Variants in OTUD7A observed in about 807,000 individuals in gnomAD.
OTUD7A encodes the protein OTU domain-containing protein 7A.
OTUD7A carries 12 observed loss-of-function variants against 65.7 expected under a neutral mutation model. The observed-to-expected ratio is 0.18, with a 90% CI of 0.12 to 0.30. The LOEUF is 0.30. OTUD7A is among the 10% of genes least tolerant of loss of function. The pLI is 1.00. For synonymous variants in OTUD7A, 641 were observed against 586.3 expected, an observed-to-expected ratio of 1.09 and a Z score of -1.35; for missense variants, 1,148 against 1,304.8, an observed-to-expected ratio of 0.88 and a Z score of 1.85.
chr15:31,504,119 G>A (rs975901920), intron 8 of OTUD7A, among the ~76,000 whole-genome samples: 2 of 152,240 alleles, frequency 1.3e-5, no homozygotes, highest in African/African-American at 4.8e-5. Context: ...CAGCCCACCA[G>A]AGCCTGTGGT....
At chr15:31,763,083 GA>G (rs1895011458) in intron 1 of OTUD7A, among the ~76,000 whole-genome samples, 1 of 152,174 alleles carries the variant, frequency 6.6e-6, no homozygotes, top group East Asian at 1.9e-4. Context: ...AGGAGTTCAA[GA>G]CCAGGTTGGC....
chr15:31,530,735 C>T lies in OTUD7A; in HGVS notation c.624G>A (p.Gly208=). 1 of 1,614,196 alleles carries T rather than the reference C, an allele frequency of 6.2e-7. No individual in the cohort carries two copies. Among genetic ancestry groups the T allele is most frequent in the South Asian group, 1.1e-5 (1 of 91,084 alleles). Residue 208 remains glycine (G), a synonymous_variant, in exon 6 of 13, where the codon GGG becomes GGA. Transcript: ENST00000307050. ...GTGAAGCAGCATGTAAAAGGCAGTT[C>T]CCATCCCCTGTTGTGGCCAGAGGAA... The part of the protein sequence containing the change: ...RLLPLATTGD[G]NCLLHAASLG...
rs1263817995 is a variant in OTUD7A at position 31,857,445 on chromosome 15, AG to A, written c.-100+13061del. On this transcript the variant is annotated intron_variant, in intron 1 of 12. Coordinates refer to ENST00000307050, the MANE Select transcript of OTUD7A (RefSeq NM_001382637.1). ...ACCCAGGCCTGGCCTGGGCACTCGT[AG>A]TCCCCTCTGCTGGCACTTGGGTTCT... is the stretch of plus-strand genomic sequence containing the variant. 3.9e-5 allele frequency among the ~76,000 whole-genome samples: 6 copies of A among 152,204 alleles called. No individual in the cohort carries two copies. The East Asian group carries it at 1.2e-3, about 30-fold the overall frequency.
intron 3 of OTUD7A, among the ~76,000 whole-genome samples, chr15:31,610,997 A>G (rs1890403276): frequency 6.6e-6 from 1 of 152,116 alleles, no homozygotes. Flanking sequence ...CAACTCCAAA[A>G]GGAACCTTCA....
intron 3 of OTUD7A, among the ~76,000 whole-genome samples, chr15:31,608,595 T>A (rs1469055561): frequency 6.6e-6 from 1 of 152,088 alleles, no homozygotes; most frequent in African/African-American, 2.4e-5. Flanking sequence ...AACAAACCCA[T>A]CCTAAATCAA....
chr15:31,675,568 AT>A (rs1205251843), intron 1 of OTUD7A, among the ~76,000 whole-genome samples: 4 of 152,166 alleles, frequency 2.6e-5, no homozygotes, highest in Admixed American at 2.6e-4. Context: ...ATTGATTCTA[AT>A]TTTTTAGGAC....
At chr15:31,841,804 C>T (rs16955964) in intron 1 of OTUD7A, among the ~76,000 whole-genome samples, 1 of 152,134 alleles carries the variant, frequency 6.6e-6, no homozygotes, top group Non-Finnish European at 1.5e-5. Context: ...CTTCTACCTG[C>T]TGGAAAGAGT....
intron 1 of OTUD7A, among the ~76,000 whole-genome samples, chr15:31,786,045 C>A (rs1290368951): frequency 6.6e-6 from 1 of 152,008 alleles, no homozygotes; most frequent in Non-Finnish European, 1.5e-5. Context: ...GAAATCATAG[C>A]TTTATAAGAA....
Position 31,870,633 on chromosome 15 carries a change from C to A in OTUD7A, c.-226G>T. ...TTTGCTCCCGCTCGGGCTCCGCGGC[C>A]CCCTCCCCAGCTGCCGCTCGCGGTC... On this transcript the variant is annotated 5_prime_UTR_variant, in exon 1 of 13. Coordinates refer to ENST00000307050, the MANE Select transcript of OTUD7A (RefSeq NM_001382637.1). 6.7e-6 allele frequency: 1 copy of A among 148,428 alleles called. No individual in the cohort carries two copies. The highest frequency in any genetic ancestry group is 2.1e-4 in the South Asian group (1 of 4,870). 9.2% of individuals were successfully genotyped at this position (148,428 alleles called of 1,614,324 possible). A position where few individuals can be genotyped will look rare whatever the true frequency, so the allele number is the denominator to read the frequency against.
chr15:31,753,375 C>T (rs776384112), intron 1 of OTUD7A, among the ~76,000 whole-genome samples: 16 of 151,854 alleles, frequency 1.1e-4, no homozygotes, highest in African/African-American at 2.4e-4. Flanking sequence ...TTAGTGGTGA[C>T]GTGTGAGATT....
At chr15:31,797,633 C>T (rs1001485243) in intron 1 of OTUD7A, among the ~76,000 whole-genome samples, 8 of 152,222 alleles carry the variant, frequency 5.3e-5, no homozygotes, top group Non-Finnish European at 1.5e-5. Context: ...ACCTGCAAAT[C>T]GCATGCTTTG....
intron 5 of OTUD7A, among the ~76,000 whole-genome samples, chr15:31,537,054 CTAATTT>C (rs1284505519): frequency 6.6e-6 from 1 of 152,002 alleles, no homozygotes; most frequent in Non-Finnish European, 1.5e-5. Flanking sequence ...ATAAAAATAT[CTAATTT>C]TAATAAAAGG....
At position 31,498,993 on chromosome 15, in the gene OTUD7A, C is replaced by T. The variant is rs998147875; in HGVS notation, c.1171+2697G>A. 1.3e-5 allele frequency among the ~76,000 whole-genome samples: 2 copies of T among 152,020 alleles called. No homozygotes were observed. The highest frequency in any genetic ancestry group is 6.6e-5 in the Admixed American group (1 of 15,262). On this transcript the variant is annotated intron_variant, in intron 10 of 12. Coordinates refer to ENST00000307050, the MANE Select transcript of OTUD7A (RefSeq NM_001382637.1). This position sits in a 1 kb window ranked among gnomAD's most constrained non-coding sequence, Gnocchi z 4.2. ...GGCGGCATCAGCAGTAGCCGGGCCA[C>T]GGCAGTAGCACCTATAAGAGGGGGC... is the stretch of plus-strand genomic sequence containing the variant.
intron 8 of OTUD7A, among the ~76,000 whole-genome samples, chr15:31,517,101 G>A (rs1158934545): frequency 6.6e-6 from 1 of 152,348 alleles, no homozygotes; most frequent in Non-Finnish European, 1.5e-5. Flanking sequence ...AGCTTCCCAT[G>A]TGAGGGACAT....
intron 1 of OTUD7A, among the ~76,000 whole-genome samples, chr15:31,748,365 G>A (rs971680425): frequency 1.3e-5 from 2 of 151,206 alleles, no homozygotes; most frequent in Non-Finnish European, 2.9e-5. Flanking sequence ...TCATAAATAT[G>A]CACATGTGCC....
At chr15:31,654,302 A>T (rs2141276982) in intron 3 of OTUD7A, among the ~76,000 whole-genome samples, 1 of 136,962 alleles carries the variant, frequency 7.3e-6, no homozygotes, top group South Asian at 2.6e-4. Flanking sequence ...TGCCATTGCC[A>T]TTTTTTGATA....
At chr15:31,569,761 C>T (rs745586628) in intron 4 of OTUD7A, among the ~76,000 whole-genome samples, 11 of 152,196 alleles carry the variant, frequency 7.2e-5, no homozygotes, top group African/African-American at 1.2e-4. Context: ...GGAATGCTGG[C>T]TTTTACTCAC....
At chr15:31,702,461 A>G (rs1430239086) in intron 1 of OTUD7A, among the ~76,000 whole-genome samples, 1 of 150,860 alleles carries the variant, frequency 6.6e-6, no homozygotes, top group East Asian at 1.9e-4. Context: ...ATCTCTCTGT[A>G]ATATCAATGA....
chr15:31,837,062 G>A (rs1897071644), intron 1 of OTUD7A, among the ~76,000 whole-genome samples: 1 of 152,110 alleles, frequency 6.6e-6, no homozygotes, highest in African/African-American at 2.4e-5. Flanking sequence ...GCTATTTACA[G>A]ATAACATAGT....
Sources: gnomAD v4.1 joint callset for allele counts (sites outside exome capture counted in the v4.1 genomes callset) on GRCh38, gnomAD v4.1.1 for gene constraint, Gnocchi (gnomAD v3.1) non-coding constraint, MANE v1.5 for transcripts, NCBI Gene and HGNC (gene_info 2026-07-23, HGNC 2026-07-21) for gene names.